Variants in ZFPM2 observed in about 807,000 individuals in gnomAD.
ZFPM2 encodes zinc finger protein ZFPM2.
In ZFPM2, 20 loss-of-function variants were observed where a neutral mutation model predicts 98.6. The observed-to-expected ratio is 0.20, with a 90% confidence interval of 0.14 to 0.29. The LOEUF (loss-of-function observed/expected upper bound fraction) is 0.29. Ranked by LOEUF, ZFPM2 falls within the 10% of genes least tolerant of loss-of-function variation. The pLI is 1.00. For synonymous variants in ZFPM2, 518 were observed against 502.7 expected (o/e 1.03, Z -0.41); for missense variants, 1,310 against 1,388.6 (o/e 0.94, Z 0.90).
chr8:105,694,017 C>T (rs1399458445), intron 5 of ZFPM2, among the ~76,000 whole-genome samples: 1 of 132,936 alleles, frequency 7.5e-6, no homozygotes, highest in Non-Finnish European at 1.5e-5. Flanking sequence ...TGGAGTCTCA[C>T]ACTCTGTTGC....
chr8:105,651,277 T>G (rs146147041), intron 5 of ZFPM2, among the ~76,000 whole-genome samples: 1 of 152,252 alleles, frequency 6.6e-6, no homozygotes, highest in Non-Finnish European at 1.5e-5. Context: ...AGAAACTCTA[T>G]GTTTCAATCA....
At chr8:105,444,715 A>G (rs1812333017) in intron 3 of ZFPM2, among the ~76,000 whole-genome samples, 1 of 152,174 alleles carries the variant, frequency 6.6e-6, no homozygotes, top group African/African-American at 2.4e-5. Flanking sequence ...ACAAACAAGA[A>G]ACAGTACTTC....
rs530397802 is a variant in ZFPM2, at chr8:105,331,785, T to G, written c.40+12804T>G. 1.5e-4 allele frequency among the ~76,000 whole-genome samples: 23 copies of G among 151,942 alleles called. 1 individual carries two copies. In the South Asian group the frequency reaches 4.1e-3, roughly 27 times the overall value. On this transcript the variant is annotated intron_variant, in intron 1 of 7. Transcript: ENST00000407775. The stretch of plus-strand genomic sequence containing the variant: ...AAGAGGACTCTAAGGAATTGCTATA[T>G]AGACATCTATATGATCACTTATTAC...
chr8:105,564,290 ATACT>A (rs1341796892), intron 4 of ZFPM2, among the ~76,000 whole-genome samples: 1 of 151,968 alleles, frequency 6.6e-6, no homozygotes, highest in Non-Finnish European at 1.5e-5. Flanking sequence ...AACAATTTTA[ATACT>A]TCAGTTTTCT....
chr8:105,443,319 CA>C (rs1466026465), intron 2 of ZFPM2, among the ~76,000 whole-genome samples: 1 of 124,836 alleles, frequency 8.0e-6, no homozygotes, highest in Non-Finnish European at 1.6e-5. Context: ...TCTCAAAAAA[CA>C]AAAAACAAAA....
At chr8:105,594,647 A>G (rs1815928982) in intron 4 of ZFPM2, among the ~76,000 whole-genome samples, 1 of 152,102 alleles carries the variant, frequency 6.6e-6, no homozygotes, top group African/African-American at 2.4e-5. Flanking sequence ...CTCCTCAAAA[A>G]GCGCAAAGCT....
At chr8:105,696,222 A>T (rs1811014320) in intron 5 of ZFPM2, among the ~76,000 whole-genome samples, 1 of 152,188 alleles carries the variant, frequency 6.6e-6, no homozygotes, top group African/African-American at 2.4e-5. Flanking sequence ...CAATGGGGTC[A>T]CTGTAGGAAT....
intron 4 of ZFPM2, among the ~76,000 whole-genome samples, chr8:105,585,335 C>G (rs565813157): frequency 6.6e-6 from 1 of 152,258 alleles, no homozygotes; most frequent in African/African-American, 2.4e-5. Flanking sequence ...CTAACCCCTC[C>G]TCCAAAAGTA....
At chr8:105,429,440 A>G (rs978657619) in intron 2 of ZFPM2, among the ~76,000 whole-genome samples, 9 of 148,612 alleles carry the variant, frequency 6.1e-5, no homozygotes, top group Non-Finnish European at 1.2e-4. Context: ...CAAGTTAGAC[A>G]AGGAAATATA....
chr8:105,335,635 C>G (rs1466179350), intron 1 of ZFPM2, among the ~76,000 whole-genome samples: 1 of 151,748 alleles, frequency 6.6e-6, no homozygotes, highest in Non-Finnish European at 1.5e-5. Flanking sequence ...GATGTTCCAG[C>G]CATCAACTGT....
At position 105,803,372 on chromosome 8, in the gene ZFPM2, C is replaced by T. The variant is rs1814104762; in HGVS notation, c.3290C>T (p.Ala1097Val). The stretch of plus-strand genomic sequence containing the variant: ...AATGTCTCACCAGGAATTCCCTCAG[C>T]AGAGGAACAGTTGTCTAGTATAGCA... ...NENVSPGIPS[A>V]EEQLSSIAKG... The change falls in exon 8 of 8, where the codon GCA (alanine) becomes GTA (valine). Residue 1097 changes from alanine (A) to valine (V), a missense_variant. Transcript: ENST00000407775. 6.2e-7 allele frequency: 1 copy of T among 1,612,912 alleles called. No individual in the cohort carries two copies. Among genetic ancestry groups the T allele is most frequent in the African/African-American group, 1.3e-5 (1 of 74,894 alleles).
chr8:105,700,745 A>C (rs1183048804), intron 5 of ZFPM2, among the ~76,000 whole-genome samples: 1 of 151,828 alleles, frequency 6.6e-6, no homozygotes, highest in Admixed American at 6.6e-5. Context: ...ACAGCCGCGC[A>C]CCACCACGCC....
intron 1 of ZFPM2, among the ~76,000 whole-genome samples, chr8:105,319,364 G>T (rs147040944): frequency 6.6e-6 from 1 of 152,284 alleles, no homozygotes; most frequent in East Asian, 1.9e-4. Flanking sequence ...ATTGACGTGG[G>T]ACTACTCTTG....
At chr8:105,510,664 G>T (rs1301139128) in intron 3 of ZFPM2, among the ~76,000 whole-genome samples, 1 of 152,156 alleles carries the variant, frequency 6.6e-6, no homozygotes, top group Non-Finnish European at 1.5e-5. Context: ...TGGAGAGGTT[G>T]CAAAACACCT....
chr8:105,632,782 T>C (rs1378186350), intron 4 of ZFPM2, among the ~76,000 whole-genome samples: 2 of 152,178 alleles, frequency 1.3e-5, no homozygotes, highest in Admixed American at 6.5e-5. Flanking sequence ...TTAAGATACA[T>C]AGTTGAAAAA....
intron 3 of ZFPM2, among the ~76,000 whole-genome samples, chr8:105,444,816 C>T (rs1198234706): frequency 2.0e-5 from 3 of 151,936 alleles, no homozygotes; most frequent in Non-Finnish European, 4.4e-5. Context: ...CAAAAGATGC[C>T]CCCTTTTGAT....
chr8:105,343,640 T>G (rs980549458), intron 1 of ZFPM2, among the ~76,000 whole-genome samples: 1 of 152,086 alleles, frequency 6.6e-6, no homozygotes, highest in African/African-American at 2.4e-5. Context: ...TGGCCCAGCC[T>G]TCTTTGAGGA....
intron 4 of ZFPM2, among the ~76,000 whole-genome samples, chr8:105,613,040 T>C (rs544819621): frequency 6.6e-6 from 1 of 152,324 alleles, no homozygotes; most frequent in African/African-American, 2.4e-5. Flanking sequence ...TAGTAGGTGA[T>C]CAGTAAGTGT....
intron 5 of ZFPM2, among the ~76,000 whole-genome samples, chr8:105,642,782 T>C (rs1365851698): frequency 6.6e-6 from 1 of 152,172 alleles, no homozygotes; most frequent in Non-Finnish European, 1.5e-5. Context: ...ATGAATTCAG[T>C]CTCATACAGT....
Sources: gnomAD v4.1 joint callset for allele counts (sites outside exome capture counted in the v4.1 genomes callset) on GRCh38, gnomAD v4.1.1 for gene constraint, MANE v1.5 for transcripts, NCBI Gene and HGNC (gene_info 2026-07-23, HGNC 2026-07-21) for gene names.